ATP8A1: variants seen among roughly 807,000 people sequenced by gnomAD.
The protein encoded by ATP8A1 is ATPase phospholipid transporting 8A1.
Under a neutral mutation model 177.7 loss-of-function variants are expected in ATP8A1, and 90 were observed. The ratio of observed to expected loss-of-function variants is 0.51; its 90% confidence interval spans 0.43 to 0.60. ATP8A1 has a LOEUF of 0.60. ATP8A1 is among the 20% of genes least tolerant of loss of function. The probability of loss-of-function intolerance (pLI) is 0.00; values close to 1 mark genes in which losing one functional copy is unlikely to be tolerated. For missense variants in ATP8A1, 1,072 were observed against 1,392.8 expected (o/e 0.77, Z 3.67); for synonymous variants, 493 against 485.9 (o/e 1.01, Z -0.19).
At chr4:42,654,490 C>T (rs1039465046) in intron 1 of ATP8A1, among the ~76,000 whole-genome samples, 18 of 152,248 alleles carry the variant, frequency 1.2e-4, no homozygotes, top group African/African-American at 3.4e-4. Context: ...TCCAAGGTCT[C>T]GCCACCCTCT....
chr4:42,483,183 GTGCCAATAGTTTAAA>G (rs1721865407), intron 25 of ATP8A1, among the ~76,000 whole-genome samples: 1 of 152,186 alleles, frequency 6.6e-6, no homozygotes, highest in African/African-American at 2.4e-5. Flanking sequence ...AAGATGGTCT[GTGCCAATAGTTTAAA>G]TGCCAAGAGG....
chr4:42,516,359 A>C (rs1164388023), intron 22 of ATP8A1, among the ~76,000 whole-genome samples: 1 of 127,124 alleles, frequency 7.9e-6, no homozygotes, highest in African/African-American at 3.6e-5. Flanking sequence ...CCTATTTTAG[A>C]AAAACTTGAA....
rs1351984570 is a variant in ATP8A1 at position 42,631,944 on chromosome 4, C to G, written c.50-4835G>C. Among the ~76,000 whole-genome samples the G allele has an allele frequency of 2.6e-5, 4 of 152,292 alleles. No homozygotes were observed. In the East Asian group the frequency reaches 5.8e-4, roughly 22 times the overall value. On this transcript the variant is annotated intron_variant, in intron 1 of 36. Transcript: ENST00000381668. ...CACAAAGTAAATGATGATAGTAACACCAGATATATGCGCCTTCCTCACATT... is the reference window on the plus strand; with the variant it reads ...CACAAAGTAAATGATGATAGTAACAGCAGATATATGCGCCTTCCTCACATT...
At chr4:42,457,744 A>C (rs1718646758) in intron 27 of ATP8A1, among the ~76,000 whole-genome samples, 1 of 152,248 alleles carries the variant, frequency 6.6e-6, no homozygotes, top group African/African-American at 2.4e-5. Context: ...TACGAGCTTG[A>C]AATTTAAGAT....
intron 22 of ATP8A1, among the ~76,000 whole-genome samples, chr4:42,514,544 G>C (rs1014878796): frequency 6.6e-6 from 1 of 152,110 alleles, no homozygotes; most frequent in African/African-American, 2.4e-5. Flanking sequence ...GTACATAGAG[G>C]CTGCCTCACT....
Position 42,656,840 on chromosome 4 carries a change from G to C in ATP8A1, c.34C>G (p.Arg12Gly). 1 of 1,585,030 alleles carries C rather than the reference G, an allele frequency of 6.3e-7. No individual in the cohort carries two copies. Among genetic ancestry groups the C allele is most frequent in the Non-Finnish European group, 8.6e-7 (1 of 1,165,970 alleles). The change falls in exon 1 of 37, where the codon CGC becomes GGC. Residue 12 changes from arginine to glycine, a missense_variant. By Grantham distance (125) the Arg-to-Gly change is moderately radical (BLOSUM62 -2). This residue lies in a region of ATP8A1 where 344 missense variants were observed against 393.5 expected (regional missense o/e 0.87). Coordinates refer to ENST00000381668, the MANE Select transcript of ATP8A1 (RefSeq NM_006095.2). ...PTMRRTVSEI[R>G]SRAEGYEKTD... ...GGCCCCTTACCTTCGGCGCGCGAGC[G>C]GATCTCCGACACGGTCCTCCGCATG...
rs182038158 is a variant in ATP8A1 at position 42,635,754 on chromosome 4, T to C, written c.50-8645A>G. ...ACATACACACATATATACATATATA[T>C]ACACACACACACACACACACACACA... On this transcript the variant is annotated intron_variant, in intron 1 of 36. Coordinates refer to ENST00000381668, the MANE Select transcript of ATP8A1 (RefSeq NM_006095.2). Among the ~76,000 whole-genome samples, 826 of 81,816 alleles carry C rather than the reference T, an allele frequency of 0.01. 27 individuals carry two copies. The East Asian group carries it at 0.12, about 12-fold the overall frequency. The allele number at this position is 81,816 out of a possible 152,430, so 53.7% of individuals were successfully genotyped here. A position where few individuals can be genotyped will look rare whatever the true frequency, so the allele number is the denominator to read the frequency against.
intron 20 of ATP8A1, among the ~76,000 whole-genome samples, chr4:42,529,451 A>T (rs191868702): frequency 2.4e-4 from 37 of 152,288 alleles, no homozygotes; most frequent in Middle Eastern, 6.8e-3. Context: ...TGACCCATCT[A>T]GCCATCAAGT....
intron 1 of ATP8A1, among the ~76,000 whole-genome samples, chr4:42,636,482 A>C (rs148389232): frequency 2.0e-5 from 3 of 152,296 alleles, no homozygotes; most frequent in Non-Finnish European, 2.9e-5. Context: ...TCAAAGGTAA[A>C]GACTTACAAA....
At chr4:42,523,258 A>T (rs994916337) in intron 21 of ATP8A1, among the ~76,000 whole-genome samples, 1 of 152,146 alleles carries the variant, frequency 6.6e-6, no homozygotes, top group African/African-American at 2.4e-5. Context: ...CATTGGAAGA[A>T]AGGAGAGGCC....
intron 4 of ATP8A1, among the ~76,000 whole-genome samples, chr4:42,620,992 A>G (rs1737412180): frequency 6.6e-6 from 1 of 152,246 alleles, no homozygotes; most frequent in Non-Finnish European, 1.5e-5. Context: ...GATGCCTAGT[A>G]AATTAAAGGT....
intron 20 of ATP8A1, among the ~76,000 whole-genome samples, chr4:42,532,511 A>C (rs1727375138): frequency 6.6e-6 from 1 of 151,914 alleles, no homozygotes. Flanking sequence ...AAGGTGACAC[A>C]AAAAAAATAG....
chr4:42,552,490 T>A lies in ATP8A1; in HGVS notation c.1519+15A>T. 5 of 1,569,430 alleles carry A rather than the reference T, an allele frequency of 3.2e-6. No homozygotes were observed. Among genetic ancestry groups the A allele is most frequent in the Non-Finnish European group, 4.4e-6 (5 of 1,141,706 alleles). On this transcript the variant is annotated intron_variant, in intron 17 of 36. Coordinates refer to ENST00000381668, the MANE Select transcript of ATP8A1 (RefSeq NM_006095.2). Reference sequence around the variant, plus strand: ...TTTTCCACAAAACAATACTTTACAATTGCTTCATTTGTACCTGGAGATGCT... The same window carrying A: ...TTTTCCACAAAACAATACTTTACAAATGCTTCATTTGTACCTGGAGATGCT...
intron 5 of ATP8A1, among the ~76,000 whole-genome samples, chr4:42,611,212 C>T (rs1191645912): frequency 6.6e-6 from 1 of 151,686 alleles, no homozygotes; most frequent in East Asian, 1.9e-4. Context: ...ACTCACTCAA[C>T]TCCATTCAGA....
At chr4:42,559,049 C>T (rs1730542851) in intron 15 of ATP8A1, among the ~76,000 whole-genome samples, 1 of 151,964 alleles carries the variant, frequency 6.6e-6, no homozygotes, top group Admixed American at 6.6e-5. Flanking sequence ...GTGGTATGCA[C>T]CAGCTGGTGG....
At chr4:42,618,125 T>C (rs1737098224) in intron 4 of ATP8A1, among the ~76,000 whole-genome samples, 1 of 152,208 alleles carries the variant, frequency 6.6e-6, no homozygotes, top group African/African-American at 2.4e-5. Flanking sequence ...TGTTATGAAC[T>C]TCAGGATACA....
chr4:42,652,955 G>C (rs138115195), intron 1 of ATP8A1, among the ~76,000 whole-genome samples: 2 of 127,870 alleles, frequency 1.6e-5, no homozygotes, highest in Non-Finnish European at 3.7e-5. Flanking sequence ...TCCCCTCACC[G>C]TTCCTAATTC....
rs1712690544 is a variant in ATP8A1, at chr4:42,412,156, T to C, written c.*760A>G. ...ATAACAACAGAGTCACATTAACACG[T>C]GTGTCCTCTAACAAATAAACACGAC... On this transcript the variant is annotated 3_prime_UTR_variant, in exon 37 of 37. Transcript: ENST00000381668. The C allele has an allele frequency of 6.6e-6, 1 of 152,186 alleles. No homozygotes were observed. Among genetic ancestry groups the C allele is most frequent in the Non-Finnish European group, 1.5e-5 (1 of 68,024 alleles). 9.4% of individuals were successfully genotyped at this position (152,186 alleles called of 1,614,324 possible). A position where few individuals can be genotyped will look rare whatever the true frequency, so the allele number is the denominator to read the frequency against.
intron 24 of ATP8A1, among the ~76,000 whole-genome samples, chr4:42,502,219 G>A (rs546961611): frequency 6.6e-6 from 1 of 152,048 alleles, no homozygotes; most frequent in Admixed American, 6.6e-5. Context: ...TATTCAACTT[G>A]AGACTCCTAC....
Sources: gnomAD v4.1 joint callset for allele counts (sites outside exome capture counted in the v4.1 genomes callset) on GRCh38, gnomAD v4.1.1 for gene constraint, gnomAD v4.1.1 regional missense constraint, MANE v1.5 for transcripts, NCBI Gene and HGNC (gene_info 2026-07-23, HGNC 2026-07-21) for gene names.